Variants in GON4L observed in about 807,000 individuals in gnomAD.
GON4L encodes the protein gon-4 like, also known as GON-4-like protein.
In GON4L, 87 loss-of-function variants were observed where a neutral mutation model predicts 211.8. The observed-to-expected ratio is 0.41, with a 90% CI of 0.35 to 0.49. GON4L has a LOEUF of 0.49. Among genes scored for constraint, GON4L ranks in the 20% least tolerant of loss-of-function variants. The pLI, the probability that GON4L is intolerant of heterozygous loss-of-function variation, is 0.15. For synonymous variants in GON4L, 875 were observed against 962.6 expected (o/e 0.91, Z 1.68); for missense variants, 2,155 against 2,659.5 (o/e 0.81, Z 4.17).
intron 2 of GON4L, among the ~76,000 whole-genome samples, chr1:155,830,786 C>G (rs1324394770): frequency 1.3e-5 from 2 of 152,022 alleles, no homozygotes; most frequent in Non-Finnish European, 2.9e-5. Context: ...TGGGGTCTCA[C>G]TATGTTGCCA....
chr1:155,783,896 G>A, intron 14 of GON4L, 90 bp downstream of exon 14: 1 of 1,572,202 alleles, frequency 6.4e-7, no homozygotes. Flanking sequence ...GCTGGTTTGG[G>A]ATGAAAAATT....
At chr1:155,760,957 T>C (rs1661721240) in intron 23 of GON4L, among the ~76,000 whole-genome samples, 1 of 152,148 alleles carries the variant, frequency 6.6e-6, no homozygotes, top group South Asian at 2.1e-4. Flanking sequence ...CATAATGAAA[T>C]AGGTAACATG....
chr1:155,762,121 A>T, intron 23 of GON4L, 69 bp downstream of exon 23: 1 of 1,258,926 alleles, frequency 7.9e-7, no homozygotes, highest in Non-Finnish European at 1.1e-6. Context: ...TTATGTTGAA[A>T]AACATCTCCC....
intron 23 of GON4L, among the ~76,000 whole-genome samples, chr1:155,761,608 G>T (rs1661814668): frequency 6.6e-6 from 1 of 151,028 alleles, no homozygotes; most frequent in African/African-American, 2.4e-5. Flanking sequence ...TGATTCTTGT[G>T]CCTCAGCCTC....
Position 155,776,421 on chromosome 1 carries a change from C to G in GON4L, c.2152G>C (p.Glu718Gln), listed in dbSNP as rs1397492077. ...AGAAATATCCTGGTGGTAGTGGCCTCCGGATTGAGGTTGGGGTTGCAGGTG... is the reference window on the plus strand; with the variant it reads ...AGAAATATCCTGGTGGTAGTGGCCTGCGGATTGAGGTTGGGGTTGCAGGTG... ...LATCNPNLNP[E>Q]ATTTRIFLKE... Residue 718 changes from glutamate (E) to glutamine (Q), a missense_variant, in exon 16 of 32, where the codon GAG (glutamate) becomes CAG (glutamine). By Grantham distance (29) the Glu-to-Gln change is conservative. Around this residue, in one of 6 missense-constraint regions of GON4L, gnomAD observed 551 missense variants for 854.0 expected, o/e 0.65. Transcript: ENST00000368331. 1 of 1,612,166 alleles carries G rather than the reference C, an allele frequency of 6.2e-7. No homozygotes were observed. Among genetic ancestry groups the G allele is most frequent in the Non-Finnish European group, 8.5e-7 (1 of 1,178,466 alleles).
At chr1:155,833,937 C>G (rs933992908) in intron 2 of GON4L, among the ~76,000 whole-genome samples, 1 of 151,924 alleles carries the variant, frequency 6.6e-6, no homozygotes, top group Non-Finnish European at 1.5e-5. Context: ...AAGCTATCCC[C>G]CTAGCTACTC....
chr1:155,853,831 G>A, intron 1 of GON4L, 25 bp from the exon 2 acceptor site: 1 of 1,382,712 alleles, frequency 7.2e-7, no homozygotes, highest in Non-Finnish European at 1.0e-6. Context: ...AGTTCTTACT[G>A]CCTTCATATT....
Position 155,784,396 on chromosome 1 carries a change from G to T in GON4L, c.1789-307C>A, listed in dbSNP as rs1023842365. 251 of 181,230 alleles carry T rather than the reference G, an allele frequency of 1.4e-3. 3 individuals carry two copies. The highest frequency in any genetic ancestry group is 2.1e-3 in the Non-Finnish European group (218 of 106,128). The allele number at this position is 181,230 out of a possible 1,614,324, so 11.2% of individuals were successfully genotyped here. A position where few individuals can be genotyped will look rare whatever the true frequency, so the allele number is the denominator to read the frequency against. On this transcript the variant is annotated intron_variant, in intron 13 of 31. Coordinates refer to ENST00000368331, the MANE Select transcript of GON4L (RefSeq NM_001282860.2). Reference sequence around the variant, plus strand: ...TTTTTTTTTTTTTTTTTTTTTTTTTGAGACAGAGTCTTGCAGTCTTGCTCT... The same window carrying T: ...TTTTTTTTTTTTTTTTTTTTTTTTTTAGACAGAGTCTTGCAGTCTTGCTCT...
chr1:155,754,533 T>G (rs781638722), intron 27 of GON4L, 45 bp from the exon 28 acceptor site: 13 of 1,179,004 alleles, frequency 1.1e-5, no homozygotes, highest in East Asian at 4.7e-5. Flanking sequence ...TGTTTTTTTT[T>G]TTTTTTTTTT....
intron 10 of GON4L, among the ~76,000 whole-genome samples, chr1:155,810,482 C>T (rs188674589): frequency 2.7e-5 from 4 of 148,270 alleles, no homozygotes; most frequent in African/African-American, 9.9e-5. Flanking sequence ...CCAAGGCAGG[C>T]GGATCATGAG....
chr1:155,784,234 C>T (rs1460797828), intron 13 of GON4L, 145 bp from the exon 14 acceptor site: 5 of 1,139,712 alleles, frequency 4.4e-6, no homozygotes, highest in Non-Finnish European at 5.1e-6. Flanking sequence ...AACTTTCTCA[C>T]TTCAGGATTC....
rs574979480 is a variant in GON4L, at chr1:155,805,349, A to G, written c.1453-208T>C. Among the ~76,000 whole-genome samples the G allele has an allele frequency of 3.3e-5, 5 of 152,346 alleles. 1 individual carries two copies. Among genetic ancestry groups the G allele is most frequent in the Non-Finnish European group, 4.4e-5 (3 of 68,036 alleles). On this transcript the variant is annotated intron_variant, in intron 10 of 31. Transcript: ENST00000368331. Reference sequence around the variant, plus strand: ...TGAAACCAACATTTTAGGAAAATTTATAACAGCTTTATTGATATACAATTC... The same window carrying G: ...TGAAACCAACATTTTAGGAAAATTTGTAACAGCTTTATTGATATACAATTC...
At chr1:155,819,369 T>A (rs564026592) in intron 6 of GON4L, among the ~76,000 whole-genome samples, 1 of 152,224 alleles carries the variant, frequency 6.6e-6, no homozygotes, top group South Asian at 2.1e-4. Flanking sequence ...AACATACTAG[T>A]TTTCTTCAAC....
At chr1:155,795,406 T>C (rs1472056864) in intron 11 of GON4L, among the ~76,000 whole-genome samples, 1 of 152,156 alleles carries the variant, frequency 6.6e-6, no homozygotes, top group Non-Finnish European at 1.5e-5. Flanking sequence ...TTGTGTAGTA[T>C]ATTCCATGAA....
At chr1:155,751,438 T>C (rs1381335494) in intron 31 of GON4L, among the ~76,000 whole-genome samples, 1 of 151,924 alleles carries the variant, frequency 6.6e-6, no homozygotes, top group African/African-American at 2.4e-5. Flanking sequence ...CCCAGCTACT[T>C]TGGGAGAGGC....
chr1:155,757,117 C>T (rs1475812578), intron 26 of GON4L, 40 bp from the exon 27 acceptor site: 2 of 1,613,746 alleles, frequency 1.2e-6, no homozygotes, highest in Non-Finnish European at 1.7e-6. Context: ...GACACCAGGC[C>T]AATATCCCTC....
At chr1:155,774,914 G>A (rs1663620120) in intron 17 of GON4L, 88 bp downstream of exon 17, 3 of 1,579,496 alleles carry the variant, frequency 1.9e-6, no homozygotes, top group Non-Finnish European at 2.6e-6. Context: ...TCCATTCCTA[G>A]GCAAGTATCC....
intron 19 of GON4L, among the ~76,000 whole-genome samples, chr1:155,767,908 G>GT (rs1662704318): frequency 6.6e-6 from 1 of 152,080 alleles, no homozygotes; most frequent in African/African-American, 2.4e-5. Flanking sequence ...AGACAACATC[G>GT]TAATCTATAC....
At chr1:155,835,971 C>A (rs1046821005) in intron 2 of GON4L, among the ~76,000 whole-genome samples, 14 of 152,156 alleles carry the variant, frequency 9.2e-5, no homozygotes, top group Admixed American at 6.5e-5. Context: ...GGGTTGAGCA[C>A]CGTGGCTCAC....
Sources: gnomAD v4.1 joint callset for allele counts (sites outside exome capture counted in the v4.1 genomes callset) on GRCh38, gnomAD v4.1.1 for gene constraint, gnomAD v4.1.1 regional missense constraint, MANE v1.5 for transcripts, NCBI Gene and HGNC (gene_info 2026-07-23, HGNC 2026-07-21) for gene names.